The following MAST2 variants were observed in gnomAD, a reference collection of about 807,000 sequenced individuals.
MAST2 encodes microtubule associated serine/threonine kinase 2.
In MAST2, 70 loss-of-function variants were observed where a neutral mutation model predicts 147.4. The ratio of observed to expected loss-of-function variants is 0.47; its 90% CI spans 0.39 to 0.58. The LOEUF (loss-of-function observed/expected upper bound fraction) is 0.58. Among genes scored for constraint, MAST2 ranks in the 20% least tolerant of loss-of-function variants. The pLI is 0.00. For synonymous variants in MAST2, 869 were observed against 896.8 expected (o/e 0.97, Z 0.55); for missense variants, 2,080 against 2,302.3 (o/e 0.90, Z 1.98).
chr1:45,896,041 GA>G (rs983487171), intron 4 of MAST2, among the ~76,000 whole-genome samples: 6 of 78,860 alleles, frequency 7.6e-5, no homozygotes, highest in African/African-American at 3.2e-4. Flanking sequence ...ATATTTCTTA[GA>G]TTTTTTTTTT....
intron 20 of MAST2, 45 bp downstream of exon 20, chr1:46,029,998 T>G: frequency 6.2e-7 from 1 of 1,611,852 alleles, no homozygotes; most frequent in South Asian, 1.1e-5. Context: ...CCTACCTGTT[T>G]GCCTAGAAAC....
chr1:45,862,237 A>C (rs532892397), intron 3 of MAST2, among the ~76,000 whole-genome samples: 1 of 152,212 alleles, frequency 6.6e-6, no homozygotes. Context: ...TCATTCATAC[A>C]TGTTTCATAA....
At position 46,021,970 on chromosome 1, in the gene MAST2, C is replaced by T; in HGVS notation, c.1311C>T (p.Phe437=). 6.2e-7 allele frequency: 1 copy of T among 1,614,234 alleles called. No individual in the cohort carries two copies. The highest frequency in any genetic ancestry group is 8.5e-7 in the Non-Finnish European group (1 of 1,180,040). ...TACAGGAGTTTGACCCTGAAGAGTTCTACCACCTTTTAGAAGCAGCTGAGG... is the reference window on the plus strand; with the variant it reads ...TACAGGAGTTTGACCCTGAAGAGTTTTACCACCTTTTAGAAGCAGCTGAGG... ...LECLEFDPEE[F]YHLLEAAEGH... Residue 437 remains phenylalanine, a synonymous_variant, in exon 12 of 29, where the codon TTC becomes TTT. Coordinates refer to ENST00000361297, the MANE Select transcript of MAST2 (RefSeq NM_015112.3).
At chr1:45,845,092 TC>T (rs1343107114) in intron 3 of MAST2, among the ~76,000 whole-genome samples, 30 of 152,306 alleles carry the variant, frequency 2.0e-4, no homozygotes, top group African/African-American at 7.0e-4. Context: ...AAATTAAATT[TC>T]CAGCACATGG....
chr1:46,023,946 G>A lies in MAST2; in HGVS notation c.1746G>A (p.Lys582=), dbSNP rs1207469399. Residue 582 remains lysine (K), a synonymous_variant, in exon 15 of 29, where the codon AAG becomes AAA. Transcript: ENST00000361297. The surrounding 1 kb of genome is among the most constrained non-coding windows in gnomAD (Gnocchi z 4.9). The stretch of plus-strand genomic sequence containing the variant: ...GCATGTTCTGCTCCTTTGATACCAA[G>A]CGCCACTTGTGCATGGTGATGGAGT... ...VVSMFCSFDT[K]RHLCMVMEYV... 1 of 1,614,226 alleles carries A rather than the reference G, an allele frequency of 6.2e-7. No homozygotes were observed. Among genetic ancestry groups the A allele is most frequent in the South Asian group, 1.1e-5 (1 of 91,086 alleles).
At chr1:46,013,096 G>C (rs1056670580) in intron 10 of MAST2, among the ~76,000 whole-genome samples, 1 of 152,074 alleles carries the variant, frequency 6.6e-6, no homozygotes, top group Admixed American at 6.5e-5. Flanking sequence ...AATAATAAAA[G>C]TCAGTAACAT....
intron 11 of MAST2, 61 bp downstream of exon 11, chr1:46,019,758 C>T: frequency 7.1e-7 from 1 of 1,410,252 alleles, no homozygotes; most frequent in South Asian, 1.2e-5. Flanking sequence ...GAGGAAGTAT[C>T]CTGATGACAG....
intron 5 of MAST2, among the ~76,000 whole-genome samples, chr1:45,966,217 A>G (rs746061084): frequency 2.0e-5 from 3 of 152,148 alleles, no homozygotes; most frequent in Non-Finnish European, 2.9e-5. Flanking sequence ...TCTGAATAAT[A>G]TCCTGTTGTC....
chr1:45,969,592 ACTT>A (rs1458861537), intron 5 of MAST2, among the ~76,000 whole-genome samples: 4 of 152,002 alleles, frequency 2.6e-5, no homozygotes, highest in African/African-American at 4.8e-5. Context: ...TAGGTTGCAC[ACTT>A]CTTATTAGAA....
At chr1:45,957,812 C>T (rs1659856357) in intron 4 of MAST2, among the ~76,000 whole-genome samples, 1 of 152,144 alleles carries the variant, frequency 6.6e-6, no homozygotes, top group Non-Finnish European at 1.5e-5. Flanking sequence ...TATAAAGACA[C>T]ATCAGCCAGC....
At position 45,817,586 on chromosome 1, in the gene MAST2, TC is replaced by T. The variant is rs775130719; in HGVS notation, c.178-6846del. Among the ~76,000 whole-genome samples the T allele has an allele frequency of 2.8e-4, 42 of 152,162 alleles. 1 individual carries two copies. Among genetic ancestry groups the T allele is most frequent in the Admixed American group, 2.6e-4 (4 of 15,274 alleles). On this transcript the variant is annotated intron_variant, in intron 1 of 28. Coordinates refer to ENST00000361297, the MANE Select transcript of MAST2 (RefSeq NM_015112.3). ...CCACACAAATGCTAAAGGGAGTTCT[TC>T]AATCTGAAAGAAAAGGATGTTAATG...
Position 46,023,002 on chromosome 1 carries a change from G to A in MAST2, c.1485+31G>A. ...AACCCTGAGCTCCTACCCCATTCCT[G>A]GAGCCTGGGCCCTATGAAGCAAAGA... On this transcript the variant is annotated intron_variant, in intron 13 of 28. Coordinates refer to ENST00000361297, the MANE Select transcript of MAST2 (RefSeq NM_015112.3). The surrounding 1 kb of genome is among the most constrained non-coding windows in gnomAD (Gnocchi z 4.9). 1 of 1,597,728 alleles carries A rather than the reference G, an allele frequency of 6.3e-7. No individual in the cohort carries two copies. The highest frequency in any genetic ancestry group is 8.6e-7 in the Non-Finnish European group (1 of 1,165,256).
intron 4 of MAST2, among the ~76,000 whole-genome samples, chr1:45,953,592 G>C (rs1414734388): frequency 9.7e-6 from 1 of 102,702 alleles, no homozygotes; most frequent in African/African-American, 4.2e-5. Context: ...TTAGAATAAA[G>C]CCTTGAAGGA....
intron 4 of MAST2, 81 bp from the exon 5 acceptor site, chr1:45,959,305 C>G (rs1660073446): frequency 8.4e-6 from 9 of 1,069,502 alleles, no homozygotes; most frequent in Non-Finnish European, 1.3e-5. Flanking sequence ...TGGTGTCCCT[C>G]TTTAGTTCCT....
At position 46,034,680 on chromosome 1, in the gene MAST2, A is replaced by G. The variant is rs1235878217; in HGVS notation, c.4011A>G (p.Ser1337=). The G allele has an allele frequency of 1.2e-6, 2 of 1,614,126 alleles. No homozygotes were observed. The highest frequency in any genetic ancestry group is 3.3e-5 in the Admixed American group (2 of 60,028). The change falls in exon 29 of 29, where the codon TCA becomes TCG. Residue 1337 remains serine (S), a synonymous_variant. Transcript: ENST00000361297. ...QRQYRSPRRK[S]AGSIPLSPLA... is the part of the protein sequence containing the mutation. ...AGTACCGCTCTCCACGGCGCAAGTCAGCAGGCAGCATCCCACTGTCACCAC... is the reference window on the plus strand; with the variant it reads ...AGTACCGCTCTCCACGGCGCAAGTCGGCAGGCAGCATCCCACTGTCACCAC...
In MAST2 at chr1:46,030,159, C is replaced by G; in HGVS notation, c.2474C>G (p.Ser825Trp). The G allele has an allele frequency of 5.0e-6, 8 of 1,614,196 alleles. No individual in the cohort carries two copies. The highest frequency in any genetic ancestry group is 6.8e-6 in the Non-Finnish European group (8 of 1,180,036). Residue 825 changes from serine (S) to tryptophan (W), a missense_variant, in exon 21 of 29, where the codon TCG (serine) becomes TGG (tryptophan). Ser to Trp is a radical substitution (Grantham distance 177, BLOSUM62 -3). Transcript: ENST00000361297. ...TRSERYHHMD[S>W]EDEEEVSEDG... ...TCAGAGCGATACCACCACATGGACT[C>G]GGAGGATGAGGAAGAAGTGAGTGAG...
chr1:45,913,552 A>T (rs1046983474), intron 4 of MAST2: 17 of 980,578 alleles, frequency 1.7e-5, no homozygotes, highest in Middle Eastern at 5.2e-4. Flanking sequence ...TTGCTGGCTG[A>T]GTGTGAATGA....
chr1:46,029,409 G>A, intron 18 of MAST2, 57 bp from the exon 19 acceptor site: 2 of 1,424,024 alleles, frequency 1.4e-6, no homozygotes, highest in Non-Finnish European at 2.0e-6. Flanking sequence ...ACCCTCTTCT[G>A]CATCTCTCCA....
intron 4 of MAST2, among the ~76,000 whole-genome samples, chr1:45,949,314 A>G (rs1422030897): frequency 6.6e-6 from 1 of 152,250 alleles, no homozygotes; most frequent in African/African-American, 2.4e-5. Flanking sequence ...AATATTTGCA[A>G]TCTGCATCTG....
Sources: gnomAD v4.1 joint callset for allele counts (sites outside exome capture counted in the v4.1 genomes callset) on GRCh38, gnomAD v4.1.1 for gene constraint, Gnocchi (gnomAD v3.1) non-coding constraint, MANE v1.5 for transcripts, NCBI Gene and HGNC (gene_info 2026-07-23, HGNC 2026-07-21) for gene names.